SGCZ: variants seen among roughly 807,000 people sequenced by gnomAD.
The protein encoded by SGCZ is sarcoglycan zeta, also known as zeta-sarcoglycan.
SGCZ carries 40 observed loss-of-function variants against 41.3 expected under a neutral mutation model. The observed-to-expected ratio is 0.97, with a 90% CI of 0.75 to 1.26. The LOEUF is 1.26. Among genes scored for constraint, SGCZ ranks in the 50% most tolerant of loss-of-function variants. The pLI is 0.00. For synonymous variants in SGCZ, 206 were observed against 137.5 expected (o/e 1.50, Z -3.49); for missense variants, 552 against 369.8 (o/e 1.49, Z -4.04).
At chr8:14,784,913 A>AATATATATATAT (rs1554499020) in intron 1 of SGCZ, among the ~76,000 whole-genome samples, 4 of 88,022 alleles carry the variant, frequency 4.5e-5, no homozygotes, top group African/African-American at 1.9e-4. Context: ...AAAAAAAAAA[A>AATATATATATAT]ATATATATAT....
At chr8:14,772,127 A>G (rs1800261358) in intron 1 of SGCZ, among the ~76,000 whole-genome samples, 1 of 152,184 alleles carries the variant, frequency 6.6e-6, no homozygotes, top group Non-Finnish European at 1.5e-5. Context: ...TCAACACTTT[A>G]AATAAAATAA....
At chr8:15,040,890 A>G (rs1804070190) in intron 1 of SGCZ, among the ~76,000 whole-genome samples, 1 of 152,148 alleles carries the variant, frequency 6.6e-6, no homozygotes, top group African/African-American at 2.4e-5. Context: ...TGTGTTAGAA[A>G]CTTGATTGAA....
chr8:14,629,569 C>A (rs1806578174), intron 1 of SGCZ, among the ~76,000 whole-genome samples: 2 of 152,074 alleles, frequency 1.3e-5, no homozygotes, highest in African/African-American at 4.8e-5. Context: ...TTGCCATCCA[C>A]TGTCCTCTTA....
intron 1 of SGCZ, among the ~76,000 whole-genome samples, chr8:14,955,913 T>C (rs1472957462): frequency 6.6e-6 from 1 of 152,180 alleles, no homozygotes; most frequent in Non-Finnish European, 1.5e-5. Flanking sequence ...TGCCATTGAA[T>C]GTACCAATAT....
At chr8:15,142,269 A>T (rs190457600) in intron 1 of SGCZ, among the ~76,000 whole-genome samples, 2 of 152,240 alleles carry the variant, frequency 1.3e-5, no homozygotes, top group Admixed American at 1.3e-4. Context: ...GCAGGCACTG[A>T]GTAGGAGAAA....
chr8:15,041,653 T>C (rs1165474437), intron 1 of SGCZ, among the ~76,000 whole-genome samples: 1 of 152,014 alleles, frequency 6.6e-6, no homozygotes, highest in African/African-American at 2.4e-5. Context: ...CTTTCCTTAA[T>C]AGAAAATAAG....
intron 1 of SGCZ, among the ~76,000 whole-genome samples, chr8:14,772,796 A>G (rs1430553914): frequency 1.3e-5 from 2 of 152,024 alleles, no homozygotes; most frequent in African/African-American, 4.8e-5. Context: ...CATGGTGTAT[A>G]TGTGCCACAT....
chr8:14,525,143 CATAG>C (rs35838178), intron 2 of SGCZ, among the ~76,000 whole-genome samples: 13,940 of 142,550 alleles, frequency 0.098, 629 homozygotes, highest in East Asian at 0.13. Context: ...TAGATAGACA[CATAG>C]ATAGATAGAT....
chr8:14,842,977 C>A (rs954623773), intron 1 of SGCZ, among the ~76,000 whole-genome samples: 6 of 152,160 alleles, frequency 3.9e-5, no homozygotes, highest in Non-Finnish European at 8.8e-5. Flanking sequence ...CTCTGGGAGG[C>A]CAAGGCGAGC....
chr8:14,356,868 G>C (rs1803315729), intron 2 of SGCZ, among the ~76,000 whole-genome samples: 1 of 151,888 alleles, frequency 6.6e-6, no homozygotes. Context: ...ATTGCAATTT[G>C]TTTTTAGATT....
At chr8:15,128,537 C>A (rs1807787077) in intron 1 of SGCZ, among the ~76,000 whole-genome samples, 1 of 152,218 alleles carries the variant, frequency 6.6e-6, no homozygotes, top group African/African-American at 2.4e-5. Context: ...TCCATTTAGT[C>A]CTTGGTGCTC....
intron 1 of SGCZ, among the ~76,000 whole-genome samples, chr8:15,108,056 C>T (rs1027240341): frequency 7.9e-5 from 12 of 152,040 alleles, no homozygotes; most frequent in African/African-American, 2.9e-4. Context: ...TTCTCCTTAC[C>T]CCTCCCCTCA....
At chr8:14,736,295 A>C (rs1383941373) in intron 1 of SGCZ, among the ~76,000 whole-genome samples, 1 of 152,250 alleles carries the variant, frequency 6.6e-6, no homozygotes, top group East Asian at 1.9e-4. Flanking sequence ...CATCATCACA[A>C]TTAAGCAACA....
At chr8:14,639,960 G>C (rs57046474) in intron 1 of SGCZ, among the ~76,000 whole-genome samples, 4,885 of 151,642 alleles carry the variant, frequency 0.032, 241 homozygotes, top group African/African-American at 0.11. Context: ...TAGTTACTTA[G>C]AGCAGAAAGA....
intron 1 of SGCZ, among the ~76,000 whole-genome samples, chr8:15,123,026 C>T (rs1807545306): frequency 6.6e-6 from 1 of 152,144 alleles, no homozygotes; most frequent in Non-Finnish European, 1.5e-5. Context: ...ACAAAACTTA[C>T]TTGCAGATAT....
intron 1 of SGCZ, among the ~76,000 whole-genome samples, chr8:14,782,878 A>G (rs1800632944): frequency 1.3e-5 from 2 of 152,172 alleles, no homozygotes. Flanking sequence ...TCAACAGCCA[A>G]ATGGTATCTC....
intron 4 of SGCZ, among the ~76,000 whole-genome samples, chr8:14,232,018 A>T (rs746658817): frequency 2.0e-5 from 3 of 152,058 alleles, no homozygotes; most frequent in Non-Finnish European, 4.4e-5. Flanking sequence ...TTATTTCACA[A>T]CATGGATGCT....
At chr8:14,619,976 T>C (rs926341344) in intron 1 of SGCZ, among the ~76,000 whole-genome samples, 2 of 152,120 alleles carry the variant, frequency 1.3e-5, no homozygotes, top group South Asian at 2.1e-4. Context: ...GGGCCCGCAT[T>C]GCCAAGACAA....
chr8:14,317,714 G>C lies in SGCZ; in HGVS notation c.336+6389C>G, dbSNP rs191716922. On this transcript the variant is annotated intron_variant, in intron 3 of 7. Coordinates refer to ENST00000382080, the MANE Select transcript of SGCZ (RefSeq NM_139167.4). ...GAAGAGCCAGGCTCCTAGATAAGGG[G>C]ACTCAATACTGTCAGGTTAGTGCAA... 2.0e-3 allele frequency among the ~76,000 whole-genome samples: 300 copies of C among 151,926 alleles called. 2 individuals carry two copies. Among genetic ancestry groups the C allele is most frequent in the African/African-American group, 6.8e-3 (282 of 41,506 alleles).
Sources: allele counts gnomAD v4.1 joint callset (sites outside exome capture counted in the v4.1 genomes callset), GRCh38; gene constraint gnomAD v4.1.1; transcripts MANE v1.5; gene names NCBI Gene and HGNC (gene_info 2026-07-23, HGNC 2026-07-21).